LYZL1: variants seen among roughly 807,000 people sequenced by gnomAD.
The protein encoded by LYZL1 is lysozyme-like protein 1.
A neutral mutation model predicts 17.9 loss-of-function variants in LYZL1; 16 were observed. That is an observed-to-expected ratio of 0.90 (90% CI 0.61 to 1.36). The LOEUF (loss-of-function observed/expected upper bound fraction) is 1.36, where lower values mean the gene tolerates loss of function less well. LYZL1 is among the 40% of genes most tolerant of loss of function. LYZL1 has a pLI of 0.00. For synonymous variants in LYZL1, 58 were observed against 71.8 expected, an observed-to-expected ratio of 0.81 and a Z score of 0.97; for missense variants, 149 against 188.4, an observed-to-expected ratio of 0.79 and a Z score of 1.22.
At chr10:29,305,515 C>T (rs1835577605) in intron 3 of LYZL1, among the ~76,000 whole-genome samples, 1 of 151,960 alleles carries the variant, frequency 6.6e-6, no homozygotes, top group South Asian at 2.1e-4. Flanking sequence ...GGAGATTTTG[C>T]GTGAAGAGAT....
chr10:29,310,577 G>A (rs1405373041), intron 4 of LYZL1, among the ~76,000 whole-genome samples: 1 of 152,072 alleles, frequency 6.6e-6, no homozygotes, highest in African/African-American at 2.4e-5. Flanking sequence ...TGCAGGGAAA[G>A]AGAATGAGCA....
In LYZL1 at chr10:29,311,042, G is replaced by T; in HGVS notation, c.430G>T (p.Gly144Cys). 6.2e-7 allele frequency: 1 copy of T among 1,614,160 alleles called. No homozygotes were observed. The highest frequency in any genetic ancestry group is 8.5e-7 in the Non-Finnish European group (1 of 1,180,032). The change falls in exon 5 of 5, where the codon GGC (glycine) becomes TGC (cysteine). Residue 144 changes from glycine to cysteine, a missense_variant. Gly to Cys is a radical substitution (Grantham distance 159). Around this residue, in one of 2 missense-constraint regions of LYZL1, gnomAD observed 130 missense variants for 132.5 expected, o/e 0.98. Transcript: ENST00000649382. Reference sequence around the variant, plus strand: ...CAGAGACCTGTCCGAGTGGAAAAAAGGCTGTGAGGTTTCCTAAACTGGAAC... The same window carrying T: ...CAGAGACCTGTCCGAGTGGAAAAAATGCTGTGAGGTTTCCTAAACTGGAAC... ...EGRDLSEWKKGCEVS is the reference protein window; with the variant it reads ...EGRDLSEWKKCCEVS
chr10:29,291,324 A>G (rs1835362101), intron 1 of LYZL1, among the ~76,000 whole-genome samples: 1 of 152,064 alleles, frequency 6.6e-6, no homozygotes, highest in Admixed American at 6.5e-5. Flanking sequence ...GAAGTGGATC[A>G]TCATAAAGGG....
chr10:29,307,853 A>G lies in LYZL1; in HGVS notation c.299-2257A>G, dbSNP rs188874911. Among the ~76,000 whole-genome samples the G allele has an allele frequency of 4.2e-3, 637 of 152,276 alleles. 6 individuals carry two copies. Among genetic ancestry groups the G allele is most frequent in the African/African-American group, 0.014 (586 of 41,564 alleles). ...TAGGATAGATCTGGAGAGATAAATT[A>G]TTAGGTGAAAGGATAAACACCTCTT... On this transcript the variant is annotated intron_variant, in intron 3 of 4. Transcript: ENST00000649382.
At chr10:29,302,536 T>C (rs1035992855) in intron 3 of LYZL1, among the ~76,000 whole-genome samples, 3 of 152,228 alleles carry the variant, frequency 2.0e-5, no homozygotes, top group African/African-American at 7.2e-5. Context: ...TAGCTGTACA[T>C]GGATGTTCAT....
chr10:29,296,345 CCAACAA>C (rs373599699), intron 3 of LYZL1, among the ~76,000 whole-genome samples: 2 of 151,916 alleles, frequency 1.3e-5, no homozygotes, highest in African/African-American at 4.8e-5. Context: ...AAACACAGAA[CCAACAA>C]CAACAACAAC....
chr10:29,299,671 G>A lies in LYZL1; in HGVS notation c.298+6994G>A, dbSNP rs1021864749. 9.9e-5 allele frequency among the ~76,000 whole-genome samples: 15 copies of A among 152,130 alleles called. No individual in the cohort carries two copies. The South Asian group carries it at 1.0e-3, about 11-fold the overall frequency. ...ATTGACCCTTTTGTCACTGGAGTCC[G>A]TGTTTCTCCTTAACTCTGGTACTAT... On this transcript the variant is annotated intron_variant, in intron 3 of 4. Transcript: ENST00000649382.
chr10:29,290,429 T>C (rs1459773335), intron 1 of LYZL1, among the ~76,000 whole-genome samples: 1 of 152,170 alleles, frequency 6.6e-6, no homozygotes, highest in Non-Finnish European at 1.5e-5. Context: ...CCTCCTTTCA[T>C]GAGGCTTTGT....
At chr10:29,314,795 A>C (rs529075454), downstream of LYZL1, among the ~76,000 whole-genome samples, 5 of 152,116 alleles carry the variant, frequency 3.3e-5, no homozygotes, top group East Asian at 9.7e-4. Flanking sequence ...TGAAAACTTC[A>C]CTCCATATAC....
At chr10:29,302,574 A>G (rs1451786386) in intron 3 of LYZL1, among the ~76,000 whole-genome samples, 2 of 152,190 alleles carry the variant, frequency 1.3e-5, no homozygotes, top group Non-Finnish European at 2.9e-5. Flanking sequence ...AGCATCTTAA[A>G]TCTCCACCCA....
intron 3 of LYZL1, among the ~76,000 whole-genome samples, chr10:29,303,999 G>T (rs1336061391): frequency 1.3e-5 from 2 of 152,284 alleles, no homozygotes; most frequent in East Asian, 3.9e-4. Context: ...GGGCTCAAGC[G>T]ATCCTCCCAT....
chr10:29,312,770 C>A (rs142575785), downstream of LYZL1, among the ~76,000 whole-genome samples: 3 of 152,268 alleles, frequency 2.0e-5, no homozygotes, highest in South Asian at 2.1e-4. Flanking sequence ...TTTTCTCTTG[C>A]CCATTATCAA....
chr10:29,293,127 C>T (rs368734331), intron 3 of LYZL1, among the ~76,000 whole-genome samples: 99 of 104,062 alleles, frequency 9.5e-4, no homozygotes, highest in South Asian at 2.3e-3. Flanking sequence ...CTTTTCTTTT[C>T]TTTTTTCTTT....
At chr10:29,296,358 C>T (rs1240759734) in intron 3 of LYZL1, among the ~76,000 whole-genome samples, 2 of 152,228 alleles carry the variant, frequency 1.3e-5, no homozygotes, top group Middle Eastern at 3.4e-3. Context: ...ACAACAACAA[C>T]AACAACAAAA....
At chr10:29,307,601 A>G (rs1835613327) in intron 3 of LYZL1, among the ~76,000 whole-genome samples, 1 of 152,192 alleles carries the variant, frequency 6.6e-6, no homozygotes, top group African/African-American at 2.4e-5. Context: ...TATTTTTATG[A>G]TATTGGGAAC....
chr10:29,294,745 C>G (rs1159833153), intron 3 of LYZL1, among the ~76,000 whole-genome samples: 43 of 152,184 alleles, frequency 2.8e-4, no homozygotes. Flanking sequence ...TCCAGGAGTC[C>G]TCTCCTTATT....
chr10:29,293,127 C>CTTTTCTTT (rs1835397932), intron 3 of LYZL1, among the ~76,000 whole-genome samples: 25 of 104,196 alleles, frequency 2.4e-4, no homozygotes, highest in Non-Finnish European at 3.0e-4. Context: ...CTTTTCTTTT[C>CTTTTCTTT]TTTTTTCTTT....
intron 1 of LYZL1, among the ~76,000 whole-genome samples, chr10:29,289,741 G>A (rs116709024): frequency 3.9e-4 from 60 of 152,154 alleles, no homozygotes; most frequent in African/African-American, 1.3e-3. Flanking sequence ...CTTAAACCTC[G>A]TTTGTCTGTC....
intron 3 of LYZL1, among the ~76,000 whole-genome samples, chr10:29,307,695 T>G (rs935825903): frequency 1.3e-5 from 2 of 152,228 alleles, no homozygotes; most frequent in African/African-American, 4.8e-5. Context: ...TTTTATTAAA[T>G]GAAGGTATTA....
Sources: allele counts gnomAD v4.1 joint callset (sites outside exome capture counted in the v4.1 genomes callset), GRCh38; gene constraint gnomAD v4.1.1; regional missense constraint gnomAD v4.1.1; transcripts MANE v1.5; gene names NCBI Gene and HGNC (gene_info 2026-07-23, HGNC 2026-07-21).